PKD1: variants seen among roughly 807,000 people sequenced by gnomAD.
The protein encoded by PKD1 is polycystin 1, transient receptor potential channel interacting.
In PKD1, 81 loss-of-function variants were observed where a neutral mutation model predicts 361.7. That is an observed-to-expected ratio of 0.22 (90% confidence interval 0.19 to 0.27). The LOEUF is 0.27. Ranked by LOEUF, PKD1 falls within the 10% of genes least tolerant of loss-of-function variation. The pLI, the probability that PKD1 is intolerant of heterozygous loss-of-function variation, is 1.00. For missense variants in PKD1, 6,399 were observed against 6,118.3 expected, an observed-to-expected ratio of 1.05 and a Z score of -1.53; for synonymous variants, 3,615 against 2,818.3, an observed-to-expected ratio of 1.28 and a Z score of -8.95.
In PKD1 at chr16:2,091,143, G is replaced by A. The variant is rs778893944; in HGVS notation, c.11744C>T (p.Ala3915Val). 3.4e-6 allele frequency: 5 copies of A among 1,482,054 alleles called. No individual in the cohort carries two copies. Among genetic ancestry groups the A allele is most frequent in the South Asian group, 2.5e-5 (2 of 79,302 alleles). 91.8% of individuals were successfully genotyped at this position (1,482,054 alleles called of 1,614,324 possible). Residue 3915 changes from alanine to valine, a missense_variant, in exon 43 of 46, where the codon GCC becomes GTC. Transcript: ENST00000262304. The stretch of plus-strand genomic sequence containing the variant: ...GTGCCAAGTACGGGCCTCGGCCACG[G>A]CGAAGTGCACGGCGAACAGCAGCAG... ...VCLLLFAVHF[A>V]VAEARTWHRE...
rs2092457042 is a variant in PKD1 at position 2,109,963 on chromosome 16, C to T, written c.5204G>A (p.Ser1735Asn). The stretch of plus-strand genomic sequence containing the variant: ...AGCCAGCTCGGCACTGAGGGTGACG[C>T]TTGTGTTGACGGCAGCTGGGTTCGG... Reference protein sequence around the residue: ...ASPNPAAVNTSVTLSAELAGG... With the variant: ...ASPNPAAVNTNVTLSAELAGG... The change falls in exon 15 of 46, where the codon AGC becomes AAC. Residue 1735 changes from serine (S) to asparagine (N), a missense_variant. Physicochemically the swap from Ser to Asn is conservative, Grantham distance 46. Coordinates refer to ENST00000262304, the MANE Select transcript of PKD1 (RefSeq NM_001009944.3). The T allele has an allele frequency of 3.7e-6, 6 of 1,609,898 alleles. No homozygotes were observed. Among genetic ancestry groups the T allele is most frequent in the Non-Finnish European group, 5.1e-6 (6 of 1,179,434 alleles).
chr16:2,103,495 C>A lies in PKD1; in HGVS notation c.8562G>T (p.Gln2854His). ...TGGGGATCTGGGCGCCGGCCTGTGT[C>A]TGGAATGCCATCGAGGCCACCTTGG... ...VSTKVASMAFQTQAGAQIPIE... is the reference protein window; with the variant it reads ...VSTKVASMAFHTQAGAQIPIE... The change falls in exon 23 of 46, where the codon CAG (glutamine) becomes CAT (histidine). Residue 2854 changes from glutamine (Q) to histidine (H), a missense_variant. Transcript: ENST00000262304. 1 of 1,603,720 alleles carries A rather than the reference C, an allele frequency of 6.2e-7. No individual in the cohort carries two copies. The highest frequency in any genetic ancestry group is 1.1e-5 in the South Asian group (1 of 90,992).
chr16:2,092,839 C>G (rs1237058267), intron 38 of PKD1, 115 bp downstream of exon 38: 3 of 1,304,944 alleles, frequency 2.3e-6, no homozygotes, highest in Non-Finnish European at 3.3e-6. Flanking sequence ...GCACCTACCT[C>G]CAGTTCTAGC....
At chr16:2,094,352 A>G (rs1425843209) in intron 34 of PKD1, 142 bp from the exon 35 acceptor site, 3 of 684,310 alleles carry the variant, frequency 4.4e-6, no homozygotes, top group Non-Finnish European at 7.9e-6. Context: ...ACCCTACCCC[A>G]AACGAGAGTG....
At chr16:2,095,219 C>T (rs1184385879) in intron 34 of PKD1, 1 of 152,128 alleles carries the variant, frequency 6.6e-6, no homozygotes, top group Non-Finnish European at 1.5e-5. Flanking sequence ...ACCAGCCTGG[C>T]TAAGATGGTG....
Position 2,114,336 on chromosome 16 carries a change from A to C in PKD1, c.2687T>G (p.Val896Gly). The C allele has an allele frequency of 1.2e-6, 2 of 1,610,480 alleles. No homozygotes were observed. The highest frequency in any genetic ancestry group is 1.1e-5 in the South Asian group (1 of 90,976). ...CTCACTGAGCCACGGCAGTGCTACC[A>C]CTGAGAACAGGGTATCGTTGGTCTC... ...PWETNDTLFS[V>G]VALPWLSEGE... Residue 896 changes from valine to glycine, a missense_variant, in exon 11 of 46, where the codon GTG becomes GGG. Coordinates refer to ENST00000262304, the MANE Select transcript of PKD1 (RefSeq NM_001009944.3).
intron 1 of PKD1, chr16:2,123,572 C>CGCGG (rs1310626861): frequency 2.2e-6 from 1 of 453,902 alleles, no homozygotes; most frequent in Non-Finnish European, 4.4e-6. Context: ...CCCCACCCCG[C>CGCGG]CCCTCGGGCT....
In PKD1 at chr16:2,118,160, C is replaced by G; in HGVS notation, c.832G>C (p.Val278Leu). The change falls in exon 5 of 46, where the codon GTG becomes CTG. Residue 278 changes from valine to leucine, a missense_variant. By Grantham distance (32) the Val-to-Leu change is conservative. Transcript: ENST00000262304. This position sits in a 1 kb window ranked among gnomAD's most constrained non-coding sequence, Gnocchi z 6.0. ...VFPASPGATLVGPHGPLASGQ... is the reference protein window; with the variant it reads ...VFPASPGATLLGPHGPLASGQ... ...GAGGCCAGAGGTCCGTGGGGCCCCA[C>G]CAGGGTGGCCCCTGGGGAGGCAGGG... The G allele has an allele frequency of 6.3e-7, 1 of 1,575,540 alleles. No homozygotes were observed. Among genetic ancestry groups the G allele is most frequent in the Non-Finnish European group, 8.6e-7 (1 of 1,163,378 alleles).
intron 1 of PKD1, among the ~76,000 whole-genome samples, chr16:2,129,978 G>A (rs996302065): frequency 2.2e-4 from 33 of 152,242 alleles, no homozygotes; most frequent in African/African-American, 6.7e-4. Flanking sequence ...GTGGGAGCTC[G>A]GGTGCCCCAC....
In PKD1 at chr16:2,090,434, G is replaced by A. The variant is rs1288699577; in HGVS notation, c.12295C>T (p.Leu4099=). 1 of 1,612,554 alleles carries A rather than the reference G, an allele frequency of 6.2e-7. No individual in the cohort carries two copies. The highest frequency in any genetic ancestry group is 8.5e-7 in the Non-Finnish European group (1 of 1,179,876). The change falls in exon 45 of 46, where the codon CTA becomes TTA. Residue 4099 remains leucine (L), a synonymous_variant. Transcript: ENST00000262304. Reference sequence around the variant, plus strand: ...CGGAGAATAACAGCCCCCAGCCGTAGGGCGCCCCACAGCCGCAGTGCCCAG... The same window carrying A: ...CGGAGAATAACAGCCCCCAGCCGTAAGGCGCCCCACAGCCGCAGTGCCCAG... The part of the protein sequence containing the change: ...GLWALRLWGA[L]RLGAVILRWR...
At position 2,095,829 on chromosome 16, in the gene PKD1, G is replaced by C. The variant is rs573266738; in HGVS notation, c.10499+1319C>G. ...CGTCAGAAATCCCCGCGGAAGCACT[G>C]AATCTGGATTTCACAGAGCTTTGGG... On this transcript the variant is annotated intron_variant, in intron 34 of 45. Coordinates refer to ENST00000262304, the MANE Select transcript of PKD1 (RefSeq NM_001009944.3). 3.3e-5 allele frequency among the ~76,000 whole-genome samples: 5 copies of C among 152,360 alleles called. No individual in the cohort carries two copies. In the South Asian group the frequency reaches 1.0e-3, roughly 32 times the overall value.
At chr16:2,120,653 G>A (rs2092706126) in intron 1 of PKD1, among the ~76,000 whole-genome samples, 1 of 152,228 alleles carries the variant, frequency 6.6e-6, no homozygotes, top group South Asian at 2.1e-4. Context: ...AGTGAGCTAT[G>A]ATTGTGCCAC....
Position 2,122,252 on chromosome 16 carries a change from C to T in PKD1, c.216-2874G>A, listed in dbSNP as rs1596601619. ...CGCTGGGCACTGGCTCCCGGAGCTT[C>T]TCGTTCCATCTGCGGATGGAGGGCA... is the stretch of plus-strand genomic sequence containing the variant. On this transcript the variant is annotated intron_variant, in intron 1 of 45. Coordinates refer to ENST00000262304, the MANE Select transcript of PKD1 (RefSeq NM_001009944.3). 2.0e-5 allele frequency among the ~76,000 whole-genome samples: 3 copies of T among 152,262 alleles called. No homozygotes were observed. In the East Asian group the frequency reaches 5.8e-4, roughly 29 times the overall value.
rs1443566968 is a variant in PKD1, at chr16:2,112,942, T to C, written c.3007A>G (p.Ser1003Gly). The C allele has an allele frequency of 8.1e-6, 13 of 1,602,034 alleles. No individual in the cohort carries two copies. Among genetic ancestry groups the C allele is most frequent in the Non-Finnish European group, 1.0e-5 (12 of 1,179,736 alleles). ...ACGTTGTAGTTCACGGTGACGTTGC[T>C]CACGTGGTTGGAGGCCGTCAGCTGC... Reference protein sequence around the residue: ...KLSLTASNHVSNVTVNYNVTV... With the variant: ...KLSLTASNHVGNVTVNYNVTV... The change falls in exon 13 of 46, where the codon AGC (serine) becomes GGC (glycine). Residue 1003 changes from serine to glycine, a missense_variant. Transcript: ENST00000262304.
In PKD1 at chr16:2,119,015, T is replaced by A. The variant is rs1222235993; in HGVS notation, c.359+99A>T. 4 of 926,902 alleles carry A rather than the reference T, an allele frequency of 4.3e-6. No individual in the cohort carries two copies. In the African/African-American group the frequency reaches 4.9e-5, roughly 11 times the overall value. The allele number at this position is 926,902 out of a possible 1,614,324, so 57.4% of individuals were successfully genotyped here. A position where few individuals can be genotyped will look rare whatever the true frequency, so the allele number is the denominator to read the frequency against. On this transcript the variant is annotated intron_variant, in intron 3 of 45. Transcript: ENST00000262304. ...GCAGTGAACTGCCCCCAGGATCTGGTCTCAAGCCTGGAAGGGGACACGGAC... is the reference window on the plus strand; with the variant it reads ...GCAGTGAACTGCCCCCAGGATCTGGACTCAAGCCTGGAAGGGGACACGGAC...
At chr16:2,123,298 G>A (rs939627641) in intron 1 of PKD1, among the ~76,000 whole-genome samples, 1 of 152,016 alleles carries the variant, frequency 6.6e-6, no homozygotes, top group Non-Finnish European at 1.5e-5. Flanking sequence ...ATGAAGCTGG[G>A]GCCCAGACAG....
rs1156831686 is a variant in PKD1, at chr16:2,091,119, T to TGCC, written c.11765_11767dup (p.Trp3922_His3923insArg). ...CAGCACGCGCCAGCGCCCTTCCCTG[T>TGCC]GCCAAGTACGGGCCTCGGCCACGGC... On this transcript the variant is annotated inframe_insertion, in exon 43 of 46. Coordinates refer to ENST00000262304, the MANE Select transcript of PKD1 (RefSeq NM_001009944.3). 6.7e-7 allele frequency: 1 copy of TGCC among 1,490,234 alleles called. No homozygotes were observed. The highest frequency in any genetic ancestry group is 2.2e-5 in the Admixed American group (1 of 45,862). The allele number at this position is 1,490,234 out of a possible 1,614,324, so 92.3% of individuals were successfully genotyped here.
chr16:2,106,702 G>C lies in PKD1; in HGVS notation c.7210-25C>G, dbSNP rs1443213738. On this transcript the variant is annotated intron_variant, in intron 17 of 45. Transcript: ENST00000262304. This position sits in a 1 kb window ranked among gnomAD's most constrained non-coding sequence, Gnocchi z 6.5. ...GCTGCAGGCAGAAGGGGTGGTGAGG[G>C]GGCGCAACCCTCTGCCCTGTCAGCC... 4.2e-5 allele frequency: 66 copies of C among 1,581,032 alleles called. No homozygotes were observed. The East Asian group carries it at 1.5e-3, about 35-fold the overall frequency.
rs201627517 is a variant in PKD1 at position 2,111,020 on chromosome 16, C to T, written c.4147G>A (p.Val1383Ile). ...AACTGCCTCTCTGGCTGCAGGGTGA[C>T]GTTGCCCACCTCTGGCTCCACGCAG... Reference protein sequence around the residue: ...SICVEPEVGNVTLQPERQFVQ... With the variant: ...SICVEPEVGNITLQPERQFVQ... The change falls in exon 15 of 46, where the codon GTC becomes ATC. Residue 1383 changes from valine (V) to isoleucine (I), a missense_variant. By Grantham distance (29) the Val-to-Ile change is conservative. Transcript: ENST00000262304. 131 of 1,610,566 alleles carry T rather than the reference C, an allele frequency of 8.1e-5. No homozygotes were observed. Among genetic ancestry groups the T allele is most frequent in the South Asian group, 7.7e-5 (7 of 90,996 alleles).
Sources: gnomAD v4.1 joint callset for allele counts (sites outside exome capture counted in the v4.1 genomes callset) on GRCh38, gnomAD v4.1.1 for gene constraint, Gnocchi (gnomAD v3.1) non-coding constraint, MANE v1.5 for transcripts, NCBI Gene and HGNC (gene_info 2026-07-23, HGNC 2026-07-21) for gene names.